The following ZNF398 variants were observed in gnomAD, a reference collection of about 807,000 sequenced individuals.
The protein encoded by ZNF398 is zinc finger DNA binding protein ZER6.
ZNF398 carries 18 observed loss-of-function variants against 41.9 expected under a neutral mutation model. The ratio of observed to expected loss-of-function variants is 0.43; its 90% CI spans 0.30 to 0.64. ZNF398 has a LOEUF of 0.64. ZNF398 is among the 30% of genes least tolerant of loss of function. The pLI is 0.14. For missense variants in ZNF398, 669 were observed against 822.8 expected, an observed-to-expected ratio of 0.81 and a Z score of 2.29; for synonymous variants, 260 against 308.8, an observed-to-expected ratio of 0.84 and a Z score of 1.66.
Position 149,151,791 on chromosome 7 carries a change from C to CTT in ZNF398, c.25-2142_25-2141dup, listed in dbSNP as rs753689637. ...AACAAAAATTTCTTTCTTTTTTTTT[C>CTT]TTTTTTTTTTTTTGAGACTGAATCT... On this transcript the variant is annotated intron_variant, in intron 1 of 5. Transcript: ENST00000475153. Among the ~76,000 whole-genome samples the CTT allele has an allele frequency of 3.6e-5, 5 of 139,236 alleles. No individual in the cohort carries two copies. The East Asian group carries it at 8.2e-4, about 23-fold the overall frequency. 91.3% of individuals were successfully genotyped at this position (139,236 alleles called of 152,430 possible). A position where few individuals can be genotyped will look rare whatever the true frequency, so the allele number is the denominator to read the frequency against.
upstream of ZNF398, among the ~76,000 whole-genome samples, chr7:149,145,117 G>GCC (rs1563155659): frequency 6.6e-6 from 1 of 152,132 alleles, no homozygotes; most frequent in African/African-American, 2.4e-5. Flanking sequence ...AAGAGCAGTT[G>GCC]CCCCAACAGG....
At chr7:149,169,871 C>G (rs149910820) in intron 4 of ZNF398, among the ~76,000 whole-genome samples, 1 of 152,246 alleles carries the variant, frequency 6.6e-6, no homozygotes, top group African/African-American at 2.4e-5. Flanking sequence ...GTTGTACTCA[C>G]AGCAAGATTT....
chr7:149,155,603 C>A (rs1298722931), intron 2 of ZNF398, among the ~76,000 whole-genome samples: 1 of 147,550 alleles, frequency 6.8e-6, no homozygotes, highest in Non-Finnish European at 1.5e-5. Flanking sequence ...GCATTTAAGA[C>A]CAAGGAAAGG....
intron 1 of ZNF398, 28 bp from the exon 2 acceptor site, chr7:149,153,917 T>C (rs1794914753): frequency 6.3e-7 from 1 of 1,586,210 alleles, no homozygotes. Flanking sequence ...ACACTCAATG[T>C]CTTGTTCCAT....
intron 4 of ZNF398, among the ~76,000 whole-genome samples, chr7:149,174,582 T>C (rs1408287758): frequency 6.6e-6 from 1 of 152,156 alleles, no homozygotes; most frequent in African/African-American, 2.4e-5. Flanking sequence ...CCCAGCACTT[T>C]GGGAGGTTGA....
chr7:149,131,932 G>A (rs896065768), intron 2 of ZNF398, among the ~76,000 whole-genome samples: 6 of 152,006 alleles, frequency 3.9e-5, no homozygotes, highest in South Asian at 2.1e-4. Flanking sequence ...TGATAGCTAC[G>A]CAGCATACCA....
intron 2 of ZNF398, among the ~76,000 whole-genome samples, chr7:149,164,779 T>C (rs958807895): frequency 3.9e-5 from 6 of 152,054 alleles, no homozygotes; most frequent in Admixed American, 6.6e-5. Context: ...CTGCAAGCAA[T>C]GTGAAAAGCA....
chr7:149,169,399 G>A (rs1795285495), intron 4 of ZNF398, among the ~76,000 whole-genome samples: 1 of 152,140 alleles, frequency 6.6e-6, no homozygotes, highest in South Asian at 2.1e-4. Context: ...ATTTTCTGTT[G>A]GTTGATCAAA....
intron 2 of ZNF398, among the ~76,000 whole-genome samples, chr7:149,130,710 A>G (rs1006117645): frequency 6.6e-6 from 1 of 152,192 alleles, no homozygotes; most frequent in African/African-American, 2.4e-5. Context: ...GGTTTGGTCT[A>G]GGTGCTGCTG....
chr7:149,154,383 T>G (rs1794926602), intron 2 of ZNF398, 43 bp downstream of exon 2: 1 of 1,536,274 alleles, frequency 6.5e-7, no homozygotes, highest in Non-Finnish European at 8.8e-7. Context: ...CCACTAGAAC[T>G]TACATTAGTA....
In ZNF398 at chr7:149,154,340, G is replaced by A; in HGVS notation, c.420G>A (p.Lys140=). The change falls in exon 2 of 6, where the codon AAG becomes AAA. Residue 140 remains lysine, a splice_region_variant and synonymous_variant. Coordinates refer to ENST00000475153, the MANE Select transcript of ZNF398 (RefSeq NM_170686.3). ...LPPGIKGDIP[K]VPVAFDDVSI... is the part of the protein sequence containing the mutation. ...CAGGTATTAAGGGAGATATCCCAAA[G>A]GTAATACCTTCATTTCTAGATGTAA... is the stretch of plus-strand genomic sequence containing the variant. 1 of 1,600,196 alleles carries A rather than the reference G, an allele frequency of 6.2e-7. No individual in the cohort carries two copies. Among genetic ancestry groups the A allele is most frequent in the Non-Finnish European group, 8.5e-7 (1 of 1,172,206 alleles).
intron 4 of ZNF398, among the ~76,000 whole-genome samples, chr7:149,174,090 G>T (rs112261964): frequency 6.6e-6 from 1 of 151,690 alleles, no homozygotes; most frequent in African/African-American, 2.4e-5. Context: ...CACCATGCCC[G>T]GCCTGATGTA....
chr7:149,178,184 C>T (rs947522338), intron 5 of ZNF398, among the ~76,000 whole-genome samples: 10 of 151,502 alleles, frequency 6.6e-5, no homozygotes, highest in African/African-American at 1.7e-4. Flanking sequence ...CCCAGCTACT[C>T]GGGAGGCTGA....
intron 4 of ZNF398, among the ~76,000 whole-genome samples, chr7:149,170,790 T>C (rs1795320748): frequency 6.6e-6 from 1 of 152,114 alleles, no homozygotes; most frequent in Non-Finnish European, 1.5e-5. Context: ...TGAATGGAGC[T>C]TGCAGGACTG....
In ZNF398 at chr7:149,179,658, G is replaced by T; in HGVS notation, c.1786G>T (p.Gly596Cys). 1 of 1,614,214 alleles carries T rather than the reference G, an allele frequency of 6.2e-7. No individual in the cohort carries two copies. Among genetic ancestry groups the T allele is most frequent in the African/African-American group, 1.3e-5 (1 of 75,072 alleles). The change falls in exon 6 of 6, where the codon GGT (glycine) becomes TGT (cysteine). Residue 596 changes from glycine to cysteine, a missense_variant. By Grantham distance (159) the Gly-to-Cys change is radical (BLOSUM62 -3). Around this residue, in one of 3 missense-constraint regions of ZNF398, gnomAD observed 210 missense variants for 290.4 expected, o/e 0.72. Coordinates refer to ENST00000475153, the MANE Select transcript of ZNF398 (RefSeq NM_170686.3). This position sits in a 1 kb window ranked among gnomAD's most constrained non-coding sequence, Gnocchi z 6.1. ...LRSGHNGGCG[G>C]DSDPSGQPPN... ...TTCAGGCCACAATGGAGGCTGTGGG[G>T]GTGATAGTGACCCATCAGGTCAGCC...
Position 149,178,836 on chromosome 7 carries a change from G to A in ZNF398, c.964G>A (p.Gly322Arg). The A allele has an allele frequency of 1.2e-6, 2 of 1,614,128 alleles. No homozygotes were observed. Among genetic ancestry groups the A allele is most frequent in the Non-Finnish European group, 1.7e-6 (2 of 1,180,028 alleles). The change falls in exon 6 of 6, where the codon GGA becomes AGA. Residue 322 changes from glycine to arginine, a missense_variant. Transcript: ENST00000475153. The part of the protein sequence containing the change: ...PATDLPEASE[G>R]QVTFTQLGSY... ...CACTGACCTGCCTGAAGCCTCTGAG[G>A]GACAAGTGACTTTTACTCAGTTGGG... is the stretch of plus-strand genomic sequence containing the variant.
intron 2 of ZNF398, among the ~76,000 whole-genome samples, chr7:149,142,410 GT>G (rs1157465614): frequency 3.3e-5 from 5 of 152,202 alleles, no homozygotes; most frequent in African/African-American, 1.2e-4. Flanking sequence ...GCTCACGCCT[GT>G]AATCCCAGCA....
intron 1 of ZNF398, chr7:149,148,083 G>A (rs1416902379): frequency 3.1e-6 from 1 of 318,800 alleles, no homozygotes; most frequent in Non-Finnish European, 5.7e-6. Flanking sequence ...CTGCCCGCCA[G>A]ACGCGCAGCG....
chr7:149,147,012 A>T (rs1338046765), upstream of ZNF398: 2 of 152,192 alleles, frequency 1.3e-5, 1 homozygote, highest in Admixed American at 1.3e-4. The surrounding 1 kb of genome is among the most constrained non-coding windows in gnomAD (Gnocchi z 5.6). Flanking sequence ...ATTTCCGCAA[A>T]TGATCTATAT....
Sources: allele counts gnomAD v4.1 joint callset (sites outside exome capture counted in the v4.1 genomes callset), GRCh38; gene constraint gnomAD v4.1.1; regional missense constraint gnomAD v4.1.1; non-coding constraint Gnocchi (gnomAD v3.1); transcripts MANE v1.5; gene names NCBI Gene and HGNC (gene_info 2026-07-23, HGNC 2026-07-21).